Variants in FXYD2 observed in about 807,000 individuals in gnomAD.
FXYD2 encodes FXYD domain containing ion transport regulator 2.
In FXYD2, 8 loss-of-function variants were observed where a neutral mutation model predicts 11.8. The ratio of observed to expected loss-of-function variants is 0.68; its 90% CI spans 0.40 to 1.22. The LOEUF (loss-of-function observed/expected upper bound fraction) is 1.22. FXYD2 is among the 50% of genes most tolerant of loss of function. The probability of loss-of-function intolerance (pLI) is 0.01; values close to 1 mark genes in which losing one functional copy is unlikely to be tolerated. For synonymous variants in FXYD2, 42 were observed against 33.3 expected (o/e 1.26, Z -0.90); for missense variants, 92 against 91.8 (o/e 1.00, Z -0.01).
Position 117,822,426 on chromosome 11 carries a change from A to G in FXYD2, c.119T>C (p.Val40Ala), listed in dbSNP as rs1383572613. Reference sequence around the variant, plus strand: ...CTTACTGAGGAGGATGAGGAGCCCCACGATGAAGGCCAGTCCAGCGAAGAT... The same window carrying G: ...CTTACTGAGGAGGATGAGGAGCCCCGCGATGAAGGCCAGTCCAGCGAAGAT... ...GLIFAGLAFI[V>A]GLLILLSRRF... is the part of the protein sequence containing the mutation. The change falls in exon 3 of 6, where the codon GTG becomes GCG. Residue 40 changes from valine to alanine, a missense_variant. Val to Ala is a moderately conservative substitution (Grantham distance 64). Coordinates refer to ENST00000292079, the MANE Select transcript of FXYD2 (RefSeq NM_001680.5). The surrounding 1 kb of genome is among the most constrained non-coding windows in gnomAD (Gnocchi z 4.7). 6.4e-7 allele frequency: 1 copy of G among 1,560,928 alleles called. No individual in the cohort carries two copies. Among genetic ancestry groups the G allele is most frequent in the Non-Finnish European group, 8.7e-7 (1 of 1,151,612 alleles).
At position 117,822,242 on chromosome 11, in the gene FXYD2, G is replaced by A. The variant is rs2055923598; in HGVS notation, c.139+164C>T. 4.0e-6 allele frequency: 6 copies of A among 1,512,052 alleles called. No individual in the cohort carries two copies. In the Admixed American group the frequency reaches 6.0e-5, roughly 15 times the overall value. The allele number at this position is 1,512,052 out of a possible 1,614,324, so 93.7% of individuals were successfully genotyped here. On this transcript the variant is annotated intron_variant, in intron 3 of 5. Coordinates refer to ENST00000292079, the MANE Select transcript of FXYD2 (RefSeq NM_001680.5). The surrounding 1 kb of genome is among the most constrained non-coding windows in gnomAD (Gnocchi z 4.7). ...AGGAACCTCACACTGTGCTCCCAGCGAGCCTGGCACCCCACCGGGCACCCA... is the reference window on the plus strand; with the variant it reads ...AGGAACCTCACACTGTGCTCCCAGCAAGCCTGGCACCCCACCGGGCACCCA...
Position 117,822,284 on chromosome 11 carries a change from T to C in FXYD2, c.139+122A>G. ...GGGCACCCATTCCCACATCCTGCAG[T>C]GGGGGGCGTGGTGGGGAGGCTCACC... is the stretch of plus-strand genomic sequence containing the variant. On this transcript the variant is annotated intron_variant, in intron 3 of 5. Coordinates refer to ENST00000292079, the MANE Select transcript of FXYD2 (RefSeq NM_001680.5). The surrounding 1 kb of genome is among the most constrained non-coding windows in gnomAD (Gnocchi z 4.7). 1 of 1,541,578 alleles carries C rather than the reference T, an allele frequency of 6.5e-7. No homozygotes were observed. The highest frequency in any genetic ancestry group is 1.4e-5 in the African/African-American group (1 of 72,958).
At chr11:117,824,928 A>G (rs2056002484), upstream of FXYD2, among the ~76,000 whole-genome samples, 1 of 152,186 alleles carries the variant, frequency 6.6e-6, no homozygotes. This position sits in a 1 kb window ranked among gnomAD's most constrained non-coding sequence, Gnocchi z 4.0. Flanking sequence ...ACCTTCCCAA[A>G]GGAAATTTCC....
At position 117,822,216 on chromosome 11, in the gene FXYD2, C is replaced by T. The variant is rs2055922318; in HGVS notation, c.139+190G>A. 6 of 1,480,428 alleles carry T rather than the reference C, an allele frequency of 4.1e-6. No individual in the cohort carries two copies. The highest frequency in any genetic ancestry group is 2.1e-5 in the Admixed American group (1 of 47,536). The allele number at this position is 1,480,428 out of a possible 1,614,324, so 91.7% of individuals were successfully genotyped here. On this transcript the variant is annotated intron_variant, in intron 3 of 5. Transcript: ENST00000292079. The surrounding 1 kb of genome is among the most constrained non-coding windows in gnomAD (Gnocchi z 4.7). Reference sequence around the variant, plus strand: ...CCACTGGAGGGTGCACTTGAGCAAGCAGGAACCTCACACTGTGCTCCCAGC... The same window carrying T: ...CCACTGGAGGGTGCACTTGAGCAAGTAGGAACCTCACACTGTGCTCCCAGC...
upstream of FXYD2, among the ~76,000 whole-genome samples, chr11:117,826,309 G>A (rs2056035244): frequency 6.6e-6 from 1 of 152,152 alleles, no homozygotes; most frequent in Non-Finnish European, 1.5e-5. Flanking sequence ...TCTGCTTCTG[G>A]AGCCAAGAAA....
upstream of FXYD2, among the ~76,000 whole-genome samples, chr11:117,826,632 G>A (rs1016524425): frequency 6.6e-6 from 1 of 152,100 alleles, no homozygotes; most frequent in African/African-American, 2.4e-5. Context: ...CAAGACAAGG[G>A]TGCTCCCTTT....
upstream of FXYD2, among the ~76,000 whole-genome samples, chr11:117,826,977 A>G (rs937654469): frequency 1.3e-5 from 2 of 151,878 alleles, no homozygotes; most frequent in African/African-American, 4.8e-5. Context: ...GGTAATATTT[A>G]CCCTGGTCAC....
chr11:117,825,526 GTT>G (rs56686344), upstream of FXYD2, among the ~76,000 whole-genome samples: 4,087 of 152,236 alleles, frequency 0.027, 172 homozygotes, highest in African/African-American at 0.094. Context: ...TTTCCTCACT[GTT>G]TTTTCTCCTC....
Position 117,824,494 on chromosome 11 carries a change from A to G in FXYD2, c.25+160T>C, listed in dbSNP as rs1788164831. On this transcript the variant is annotated intron_variant, in intron 1 of 5. Transcript: ENST00000292079. This position sits in a 1 kb window ranked among gnomAD's most constrained non-coding sequence, Gnocchi z 4.0. ...AGCAGGGTCCTCCTTTAAGTTGCAA[A>G]TTTTCTTAGAGAGGAGGCCGACAGG... is the stretch of plus-strand genomic sequence containing the variant. The G allele has an allele frequency of 2.9e-6, 2 of 699,616 alleles. No individual in the cohort carries two copies. The highest frequency in any genetic ancestry group is 5.2e-6 in the Non-Finnish European group (2 of 383,488). The allele number at this position is 699,616 out of a possible 1,614,324, so 43.3% of individuals were successfully genotyped here.
In FXYD2 at chr11:117,822,292, G is replaced by A. The variant is rs182893897; in HGVS notation, c.139+114C>T. On this transcript the variant is annotated intron_variant, in intron 3 of 5. Transcript: ENST00000292079. The surrounding 1 kb of genome is among the most constrained non-coding windows in gnomAD (Gnocchi z 4.7). Reference sequence around the variant, plus strand: ...ATTCCCACATCCTGCAGTGGGGGGCGTGGTGGGGAGGCTCACCCCTCCCTT... The same window carrying A: ...ATTCCCACATCCTGCAGTGGGGGGCATGGTGGGGAGGCTCACCCCTCCCTT... 2.8e-4 allele frequency: 435 copies of A among 1,544,256 alleles called. No homozygotes were observed. The African/African-American group carries it at 4.6e-3, about 16-fold the overall frequency.
intron 1 of FXYD2, among the ~76,000 whole-genome samples, chr11:117,823,743 G>A (rs1277699015): frequency 6.6e-6 from 1 of 152,250 alleles, no homozygotes; most frequent in Non-Finnish European, 1.5e-5. Context: ...AGCCCGAGGA[G>A]GAAGGAACGC....
rs1484672809 is a variant in FXYD2 at position 117,820,310 on chromosome 11, C to T, written c.*69G>A. 1 of 342,898 alleles carries T rather than the reference C, an allele frequency of 2.9e-6. No individual in the cohort carries two copies. The highest frequency in any genetic ancestry group is 5.3e-6 in the Non-Finnish European group (1 of 188,410). The allele number at this position is 342,898 out of a possible 1,614,324, so 21.2% of individuals were successfully genotyped here. A position where few individuals can be genotyped will look rare whatever the true frequency, so the allele number is the denominator to read the frequency against. On this transcript the variant is annotated 3_prime_UTR_variant, in exon 6 of 6. Coordinates refer to ENST00000292079, the MANE Select transcript of FXYD2 (RefSeq NM_001680.5). ...AAAGCCCAGGGAAGAAGGGGAGGCGCCAGAGGCAGGGCCATGCTTGGCTTC... is the reference window on the plus strand; with the variant it reads ...AAAGCCCAGGGAAGAAGGGGAGGCGTCAGAGGCAGGGCCATGCTTGGCTTC...
At chr11:117,825,994 C>G (rs967969634), upstream of FXYD2, among the ~76,000 whole-genome samples, 1 of 152,216 alleles carries the variant, frequency 6.6e-6, no homozygotes, top group Admixed American at 6.5e-5. Context: ...GACTTCACCT[C>G]TCTGTGCCTC....
chr11:117,824,735 G>A lies in FXYD2; in HGVS notation c.-57C>T. Reference sequence around the variant, plus strand: ...CTCTTCCTGCTGTCTCTGCTTTTTGGAGAGTGTCTGGCTGCCTCCACGGGG... The same window carrying A: ...CTCTTCCTGCTGTCTCTGCTTTTTGAAGAGTGTCTGGCTGCCTCCACGGGG... On this transcript the variant is annotated 5_prime_UTR_variant, in exon 1 of 6. Transcript: ENST00000292079. This position sits in a 1 kb window ranked among gnomAD's most constrained non-coding sequence, Gnocchi z 4.0. 2.5e-6 allele frequency: 4 copies of A among 1,607,858 alleles called. No homozygotes were observed. Among genetic ancestry groups the A allele is most frequent in the Non-Finnish European group, 3.4e-6 (4 of 1,177,370 alleles).
At position 117,824,719 on chromosome 11, in the gene FXYD2, C is replaced by A; in HGVS notation, c.-41G>T. ...GGCTGCCTCCACTCCCCTCTTCCTGCTGTCTCTGCTTTTTGGAGAGTGTCT... is the reference window on the plus strand; with the variant it reads ...GGCTGCCTCCACTCCCCTCTTCCTGATGTCTCTGCTTTTTGGAGAGTGTCT... On this transcript the variant is annotated 5_prime_UTR_variant, in exon 1 of 6. Coordinates refer to ENST00000292079, the MANE Select transcript of FXYD2 (RefSeq NM_001680.5). This position sits in a 1 kb window ranked among gnomAD's most constrained non-coding sequence, Gnocchi z 4.0. 6.2e-7 allele frequency: 1 copy of A among 1,612,376 alleles called. No homozygotes were observed.
intron 5 of FXYD2, 52 bp downstream of exon 5, chr11:117,820,614 T>C: frequency 6.2e-7 from 1 of 1,610,572 alleles, no homozygotes; most frequent in South Asian, 1.1e-5. Context: ...TCCCTGTTGC[T>C]CCCAAGCCTG....
intron 3 of FXYD2, 50 bp from the exon 4 acceptor site, chr11:117,820,945 G>T: frequency 6.2e-7 from 1 of 1,613,502 alleles, no homozygotes; most frequent in Non-Finnish European, 8.5e-7. Flanking sequence ...TTTCCAAGGA[G>T]ACCCTGGAAG....
chr11:117,827,024 G>GT (rs2056054003), upstream of FXYD2, among the ~76,000 whole-genome samples: 1 of 151,130 alleles, frequency 6.6e-6, no homozygotes, highest in Admixed American at 6.6e-5. Context: ...GGCTCCCACT[G>GT]CGGGGGGGAG....
At chr11:117,821,041 ATTT>A (rs2055889859) in intron 3 of FXYD2, 146 bp from the exon 4 acceptor site, 1 of 889,076 alleles carries the variant, frequency 1.1e-6, no homozygotes, top group Non-Finnish European at 1.7e-6. Flanking sequence ...GACTGTCTCT[ATTT>A]TATTTTATAT....
Sources: allele counts gnomAD v4.1 joint callset (sites outside exome capture counted in the v4.1 genomes callset), GRCh38; gene constraint gnomAD v4.1.1; non-coding constraint Gnocchi (gnomAD v3.1); transcripts MANE v1.5; gene names NCBI Gene and HGNC (gene_info 2026-07-23, HGNC 2026-07-21).